Variants in PLEKHM3 observed in about 807,000 individuals in gnomAD.
The protein encoded by PLEKHM3 is pleckstrin homology domain-containing family M member 3.
PLEKHM3 carries 45 observed loss-of-function variants against 81.8 expected under a neutral mutation model. The observed-to-expected ratio is 0.55, with a 90% CI of 0.43 to 0.71. The LOEUF is 0.71. PLEKHM3 is among the 30% of genes least tolerant of loss of function. The probability of loss-of-function intolerance (pLI) is 0.00; values close to 1 mark genes in which losing one functional copy is unlikely to be tolerated. For synonymous variants in PLEKHM3, 352 were observed against 356.4 expected (o/e 0.99, Z 0.14); for missense variants, 788 against 924.3 (o/e 0.85, Z 1.91).
chr2:207,941,691 A>G (rs994424993), intron 4 of PLEKHM3, among the ~76,000 whole-genome samples: 4 of 152,240 alleles, frequency 2.6e-5, no homozygotes, highest in Admixed American at 2.0e-4. Context: ...GACAATGTAC[A>G]AAATGGAAGA....
chr2:207,849,583 A>G (rs2092401795), intron 7 of PLEKHM3, among the ~76,000 whole-genome samples: 1 of 152,178 alleles, frequency 6.6e-6, no homozygotes, highest in South Asian at 2.1e-4. Context: ...CCGATGCCCT[A>G]CTAACAAAGG....
intron 7 of PLEKHM3, among the ~76,000 whole-genome samples, chr2:207,854,125 T>C (rs565300642): frequency 6.6e-6 from 1 of 152,288 alleles, no homozygotes; most frequent in African/African-American, 2.4e-5. Flanking sequence ...CAAGTGATAC[T>C]TGGACCTGAA....
intron 1 of PLEKHM3, among the ~76,000 whole-genome samples, chr2:208,014,504 C>T (rs1364667777): frequency 2.6e-5 from 4 of 152,088 alleles, no homozygotes; most frequent in African/African-American, 7.2e-5. Context: ...GTTAGCTGGC[C>T]GTGGTGGCAG....
rs566854764 is a variant in PLEKHM3, at chr2:207,989,575, GTCC to G, written c.610+11452_610+11454del. Among the ~76,000 whole-genome samples the G allele has an allele frequency of 1.3e-4, 20 of 152,040 alleles. 1 individual carries two copies. The South Asian group carries it at 3.7e-3, about 28-fold the overall frequency. ...TATTGCCACTATCACACTAATCTGA[GTCC>G]TCAACACTAATCTGAGTCCTCATCA... On this transcript the variant is annotated intron_variant, in intron 2 of 7. Coordinates refer to ENST00000427836, the MANE Select transcript of PLEKHM3 (RefSeq NM_001080475.3).
At chr2:207,923,261 C>T (rs1021979660) in intron 5 of PLEKHM3, among the ~76,000 whole-genome samples, 1 of 151,950 alleles carries the variant, frequency 6.6e-6, no homozygotes, top group Non-Finnish European at 1.5e-5. Flanking sequence ...AGGAGGGGTG[C>T]CATGGGGAGG....
chr2:207,901,623 C>T (rs1688429389), intron 6 of PLEKHM3, among the ~76,000 whole-genome samples: 1 of 152,214 alleles, frequency 6.6e-6, no homozygotes, highest in South Asian at 2.1e-4. Context: ...TGAGAAACAG[C>T]ACTTTTCCAT....
intron 5 of PLEKHM3, among the ~76,000 whole-genome samples, chr2:207,927,827 C>G (rs1689453469): frequency 6.6e-6 from 1 of 152,148 alleles, no homozygotes; most frequent in Non-Finnish European, 1.5e-5. Flanking sequence ...AAAACTCCGT[C>G]TCAAAAAGAA....
At chr2:207,887,149 G>A (rs1687907356) in intron 6 of PLEKHM3, among the ~76,000 whole-genome samples, 1 of 152,242 alleles carries the variant, frequency 6.6e-6, no homozygotes, top group Admixed American at 6.5e-5. Context: ...CTAGGCCTAT[G>A]TTAGACTGTA....
rs2092258092 is a variant in PLEKHM3, at chr2:207,827,557, T to C, written c.*762A>G. 6.6e-6 allele frequency: 1 copy of C among 152,178 alleles called. No individual in the cohort carries two copies. The highest frequency in any genetic ancestry group is 2.1e-4 in the South Asian group (1 of 4,832). 9.4% of individuals were successfully genotyped at this position (152,178 alleles called of 1,614,324 possible). ...GAGCGTCACATCATTAGGTGGGTGA[T>C]GGGATTAGTACCGAAAAACAGACCG... On this transcript the variant is annotated 3_prime_UTR_variant, in exon 8 of 8. Transcript: ENST00000427836.
At chr2:207,993,627 C>G (rs1457430128) in intron 2 of PLEKHM3, among the ~76,000 whole-genome samples, 6 of 151,626 alleles carry the variant, frequency 4.0e-5, no homozygotes, top group African/African-American at 1.5e-4. Context: ...TGCTTGAGAT[C>G]TTCTCCTGAA....
At chr2:207,970,334 C>A (rs1691074028) in intron 3 of PLEKHM3, among the ~76,000 whole-genome samples, 1 of 151,690 alleles carries the variant, frequency 6.6e-6, no homozygotes, top group African/African-American at 2.4e-5. Context: ...CCCCCACCCC[C>A]CACCCCAGGT....
chr2:207,902,545 C>CA (rs1318284916), intron 6 of PLEKHM3, among the ~76,000 whole-genome samples: 1 of 151,998 alleles, frequency 6.6e-6, no homozygotes, highest in East Asian at 1.9e-4. Context: ...GCTGGACTAG[C>CA]AAAAAAGTTA....
At chr2:207,829,924 A>G in intron 7 of PLEKHM3, among the ~76,000 whole-genome samples, 1 of 152,148 alleles carries the variant, frequency 6.6e-6, no homozygotes, top group Non-Finnish European at 1.5e-5. Flanking sequence ...ACCACCATTC[A>G]GGACCCAGAG....
chr2:207,923,346 G>A (rs1169907232), intron 5 of PLEKHM3, among the ~76,000 whole-genome samples: 2 of 152,202 alleles, frequency 1.3e-5, no homozygotes, highest in Non-Finnish European at 2.9e-5. Flanking sequence ...GGTGGCTCAT[G>A]CCTGTAATCC....
At chr2:207,874,009 C>T (rs983007446) in intron 6 of PLEKHM3, among the ~76,000 whole-genome samples, 1 of 152,136 alleles carries the variant, frequency 6.6e-6, no homozygotes, top group Admixed American at 6.5e-5. Context: ...GGGATTTTTA[C>T]TCTTTGCTTC....
intron 6 of PLEKHM3, among the ~76,000 whole-genome samples, chr2:207,869,521 T>C (rs1172867928): frequency 6.6e-6 from 1 of 152,206 alleles, no homozygotes; most frequent in Non-Finnish European, 1.5e-5. Context: ...ATTTATTTAC[T>C]TGGGGAGTGT....
chr2:207,919,115 T>G (rs976879527), intron 5 of PLEKHM3, among the ~76,000 whole-genome samples: 1 of 152,010 alleles, frequency 6.6e-6, no homozygotes, highest in Non-Finnish European at 1.5e-5. Context: ...GAAGCAAGCT[T>G]GGTTTCACAC....
chr2:207,901,178 T>G, intron 6 of PLEKHM3: 1 of 689,608 alleles, frequency 1.5e-6, no homozygotes, highest in Non-Finnish European at 2.6e-6. Flanking sequence ...GTCATCTTTC[T>G]GATCTGGCTT....
intron 4 of PLEKHM3, among the ~76,000 whole-genome samples, chr2:207,938,455 C>T (rs1689832730): frequency 6.6e-6 from 1 of 152,184 alleles, no homozygotes; most frequent in African/African-American, 2.4e-5. Flanking sequence ...TTTTAAATGG[C>T]TATTCAAGCC....
Sources: gnomAD v4.1 joint callset for allele counts (sites outside exome capture counted in the v4.1 genomes callset) on GRCh38, gnomAD v4.1.1 for gene constraint, MANE v1.5 for transcripts, NCBI Gene and HGNC (gene_info 2026-07-23, HGNC 2026-07-21) for gene names.